The following MTARC2 variants were observed in gnomAD, a reference collection of about 807,000 sequenced individuals.
The protein encoded by MTARC2 is MOCO sulphurase C-terminal domain containing 2.
A neutral mutation model predicts 35.6 loss-of-function variants in MTARC2; 27 were observed. The observed-to-expected ratio is 0.76, with a 90% CI of 0.56 to 1.04. The LOEUF (loss-of-function observed/expected upper bound fraction) is 1.04. MTARC2 is among the 50% of genes least tolerant of loss of function. The pLI is 0.00. For missense variants in MTARC2, 412 were observed against 432.5 expected, an observed-to-expected ratio of 0.95 and a Z score of 0.42; for synonymous variants, 158 against 167.1, an observed-to-expected ratio of 0.95 and a Z score of 0.42.
Position 220,766,733 on chromosome 1 carries a change from C to G in MTARC2, c.750+3683C>G, listed in dbSNP as rs1671587568. Among the ~76,000 whole-genome samples the G allele has an allele frequency of 1.3e-5, 2 of 152,002 alleles. 1 individual carries two copies. The highest frequency in any genetic ancestry group is 4.2e-4 in the South Asian group (2 of 4,816). On this transcript the variant is annotated intron_variant, in intron 4 of 7. Transcript: ENST00000366913. ...CTTGCCAACCTATAATTTTTGCTCT[C>G]CTATAACTTGTCAAACTGAACCTAA...
intron 1 of MTARC2, among the ~76,000 whole-genome samples, chr1:220,752,901 C>A (rs1309432906): frequency 1.3e-5 from 2 of 151,436 alleles, no homozygotes; most frequent in Non-Finnish European, 2.9e-5. Flanking sequence ...ATAAATAATA[C>A]ACATATGCAT....
At chr1:220,779,265 T>G (rs1389746) in intron 4 of MTARC2, among the ~76,000 whole-genome samples, 2,468 of 152,306 alleles carry the variant, frequency 0.016, 43 homozygotes, top group East Asian at 0.056. Flanking sequence ...TATGTGTGTG[T>G]GCACATATAA....
At chr1:220,780,390 G>T in intron 6 of MTARC2, 151 bp downstream of exon 6, 1 of 602,240 alleles carries the variant, frequency 1.7e-6, no homozygotes, top group Non-Finnish European at 2.8e-6. Context: ...GCGTCTATTG[G>T]TTAATGAGAG....
At chr1:220,756,987 C>T (rs1027676889) in intron 2 of MTARC2, among the ~76,000 whole-genome samples, 1 of 152,238 alleles carries the variant, frequency 6.6e-6, no homozygotes, top group Non-Finnish European at 1.5e-5. Flanking sequence ...ACTGCAACCT[C>T]CACCTCCCAG....
At chr1:220,759,565 C>G (rs143868323) in intron 2 of MTARC2, among the ~76,000 whole-genome samples, 523 of 152,206 alleles carry the variant, frequency 3.4e-3, no homozygotes, top group South Asian at 0.026. Flanking sequence ...AAAGTGCCAC[C>G]CATAAGCTTT....
intron 4 of MTARC2, among the ~76,000 whole-genome samples, chr1:220,764,644 C>T (rs1572302714): frequency 6.6e-6 from 1 of 152,030 alleles, no homozygotes; most frequent in East Asian, 1.9e-4. Flanking sequence ...TAATAATTAG[C>T]CAGGTATGGT....
At chr1:220,765,916 C>T (rs1003766115) in intron 4 of MTARC2, among the ~76,000 whole-genome samples, 6 of 152,162 alleles carry the variant, frequency 3.9e-5, no homozygotes, top group Admixed American at 3.9e-4. Flanking sequence ...ATTAGCAGGC[C>T]CTACCTGAAA....
chr1:220,776,178 C>T (rs1261446341), intron 4 of MTARC2, among the ~76,000 whole-genome samples: 2 of 152,148 alleles, frequency 1.3e-5, no homozygotes, highest in East Asian at 1.9e-4. Flanking sequence ...TCCACAGCCT[C>T]GCCACCTGTT....
At chr1:220,751,418 T>C (rs1671121142) in intron 1 of MTARC2, among the ~76,000 whole-genome samples, 1 of 152,186 alleles carries the variant, frequency 6.6e-6, no homozygotes, top group African/African-American at 2.4e-5. Context: ...ATATGTGAGT[T>C]GATCAGTTTT....
chr1:220,753,367 A>G (rs1006141737), intron 1 of MTARC2, among the ~76,000 whole-genome samples: 7 of 152,258 alleles, frequency 4.6e-5, no homozygotes, highest in African/African-American at 1.7e-4. Context: ...CTGCCACACC[A>G]TCATAATGCC....
chr1:220,754,493 C>T (rs955588134), intron 1 of MTARC2: 2 of 453,338 alleles, frequency 4.4e-6, no homozygotes, highest in African/African-American at 4.0e-5. Context: ...ATTGCAAGAC[C>T]TTTGTCTCAG....
At chr1:220,759,418 G>C (rs1671374236) in intron 2 of MTARC2, among the ~76,000 whole-genome samples, 1 of 152,214 alleles carries the variant, frequency 6.6e-6, no homozygotes, top group Non-Finnish European at 1.5e-5. Flanking sequence ...AATTGGAGAA[G>C]ATGGCATGGC....
At chr1:220,768,745 C>T (rs1173386126) in intron 4 of MTARC2, among the ~76,000 whole-genome samples, 1 of 152,048 alleles carries the variant, frequency 6.6e-6, no homozygotes, top group Non-Finnish European at 1.5e-5. Flanking sequence ...GGAAGATTAG[C>T]CTGAATTTCA....
intron 4 of MTARC2, among the ~76,000 whole-genome samples, chr1:220,764,396 A>C (rs573866787): frequency 6.6e-6 from 1 of 152,194 alleles, no homozygotes; most frequent in African/African-American, 2.4e-5. Flanking sequence ...CCCGGCCCCT[A>C]ATTTGTTGAT....
At chr1:220,757,018 C>T (rs1671298753) in intron 2 of MTARC2, among the ~76,000 whole-genome samples, 1 of 152,200 alleles carries the variant, frequency 6.6e-6, no homozygotes, top group Admixed American at 6.5e-5. Context: ...TTCTCCTGCC[C>T]CAGCCTCCTG....
intron 1 of MTARC2, 135 bp from the exon 2 acceptor site, chr1:220,754,812 A>G: frequency 1.1e-6 from 1 of 870,852 alleles, no homozygotes; most frequent in South Asian, 1.8e-5. Context: ...CCAGACCTGG[A>G]TAATTGTCTG....
chr1:220,754,431 C>T lies in MTARC2; in HGVS notation c.273-516C>T, dbSNP rs60087444. The stretch of plus-strand genomic sequence containing the variant: ...CCTGATGTAGGACCCCCGCATGCCG[C>T]GGCAAGTTAAACAGAGCAGAGGCTG... On this transcript the variant is annotated intron_variant, in intron 1 of 7. Transcript: ENST00000366913. 7.7e-3 allele frequency: 3,491 copies of T among 456,282 alleles called. 52 individuals are homozygous for T. The highest frequency in any genetic ancestry group is 0.028 in the South Asian group (1,819 of 64,568). 28.3% of individuals were successfully genotyped at this position (456,282 alleles called of 1,614,324 possible).
chr1:220,772,894 T>C (rs1671784159), intron 4 of MTARC2, among the ~76,000 whole-genome samples: 1 of 152,228 alleles, frequency 6.6e-6, no homozygotes, highest in African/African-American at 2.4e-5. Context: ...TTTGAGATCA[T>C]TTAACTCTGG....
intron 6 of MTARC2, 111 bp from the exon 7 acceptor site, chr1:220,781,667 T>C (rs1672074376): frequency 3.6e-6 from 4 of 1,108,448 alleles, no homozygotes; most frequent in Non-Finnish European, 5.2e-6. Context: ...TTTTAGAAAA[T>C]TCTTGCTGTG....
Sources: gnomAD v4.1 joint callset for allele counts (sites outside exome capture counted in the v4.1 genomes callset) on GRCh38, gnomAD v4.1.1 for gene constraint, MANE v1.5 for transcripts, NCBI Gene and HGNC (gene_info 2026-07-23, HGNC 2026-07-21) for gene names.